DUSP5: variants seen among roughly 807,000 people sequenced by gnomAD.
DUSP5 encodes the protein dual specificity protein phosphatase 5.
Under a neutral mutation model 33.6 loss-of-function variants are expected in DUSP5, and 22 were observed. The observed-to-expected ratio is 0.66, with a 90% CI of 0.47 to 0.94. The LOEUF (loss-of-function observed/expected upper bound fraction) is 0.94, where lower values mean the gene tolerates loss of function less well. Ranked by LOEUF, DUSP5 falls within the 40% of genes least tolerant of loss-of-function variation. The pLI, the probability that DUSP5 is intolerant of heterozygous loss-of-function variation, is 0.00. For synonymous variants in DUSP5, 270 were observed against 231.1 expected (o/e 1.17, Z -1.53); for missense variants, 551 against 522.1 (o/e 1.06, Z -0.54).
At chr10:110,508,646 C>G (rs1860149242) in intron 3 of DUSP5, among the ~76,000 whole-genome samples, 1 of 152,198 alleles carries the variant, frequency 6.6e-6, no homozygotes, top group Non-Finnish European at 1.5e-5. Context: ...ACTCTGGACC[C>G]TTTGCATTCT....
intron 1 of DUSP5, among the ~76,000 whole-genome samples, chr10:110,502,488 G>A (rs1364085039): frequency 1.3e-5 from 2 of 152,218 alleles, no homozygotes; most frequent in East Asian, 3.8e-4. Context: ...GACACAAAAA[G>A]TTAATCATTG....
In DUSP5 at chr10:110,510,276, C is replaced by T. The variant is rs1860172350; in HGVS notation, c.1005C>T (p.Gly335=). 6.2e-7 allele frequency: 1 copy of T among 1,614,168 alleles called. No individual in the cohort carries two copies. The highest frequency in any genetic ancestry group is 1.1e-5 in the South Asian group (1 of 91,088). Residue 335 remains glycine, a synonymous_variant, in exon 4 of 4, where the codon GGC becomes GGT. Coordinates refer to ENST00000369583, the MANE Select transcript of DUSP5 (RefSeq NM_004419.4). ...QPPSCQGEAA[G]SSLIGHLQTL... ...CCTCCTGCCAAGGGGAGGCAGCAGG[C>T]TCTTCACTGATAGGCCATTTGCAGA...
rs1859991183 is a variant in DUSP5, at chr10:110,498,440, G to A, written c.319G>A (p.Val107Ile). 1.3e-6 allele frequency: 2 copies of A among 1,540,292 alleles called. No individual in the cohort carries two copies. Among genetic ancestry groups the A allele is most frequent in the African/African-American group, 1.4e-5 (1 of 70,762 alleles). The part of the protein sequence containing the change: ...QKLREESAAR[V>I]VLTSLLACLP... ...GCTGCGAGAGGAGAGCGCCGCGCGTGTCGTCCTCACCTCGCTACTCGCTTG... is the reference window on the plus strand; with the variant it reads ...GCTGCGAGAGGAGAGCGCCGCGCGTATCGTCCTCACCTCGCTACTCGCTTG... Residue 107 changes from valine to isoleucine, a missense_variant, in exon 1 of 4, where the codon GTC becomes ATC. Transcript: ENST00000369583.
chr10:110,498,641 G>C, intron 1 of DUSP5, 141 bp downstream of exon 1: 1 of 1,249,724 alleles, frequency 8.0e-7, no homozygotes. Flanking sequence ...TTGTGCGCTT[G>C]GGAGGGCACT....
At chr10:110,501,141 T>G (rs1228653110) in intron 1 of DUSP5, among the ~76,000 whole-genome samples, 2 of 152,192 alleles carry the variant, frequency 1.3e-5, no homozygotes, top group African/African-American at 4.8e-5. Flanking sequence ...ATCAGGTGGT[T>G]TACTGACTAG....
In DUSP5 at chr10:110,510,190, A is replaced by G. The variant is rs781015299; in HGVS notation, c.919A>G (p.Met307Val). The change falls in exon 4 of 4, where the codon ATG (methionine) becomes GTG (valine). Residue 307 changes from methionine (M) to valine (V), a missense_variant. Transcript: ENST00000369583. Reference protein sequence around the residue: ...RSMVSPNFGFMGQLLQYESEI... With the variant: ...RSMVSPNFGFVGQLLQYESEI... ...CATGGTCTCGCCCAACTTTGGCTTCATGGGCCAGCTCCTGCAGTACGAATC... is the reference window on the plus strand; with the variant it reads ...CATGGTCTCGCCCAACTTTGGCTTCGTGGGCCAGCTCCTGCAGTACGAATC... 1.2e-6 allele frequency: 2 copies of G among 1,614,206 alleles called. No individual in the cohort carries two copies. Among genetic ancestry groups the G allele is most frequent in the Non-Finnish European group, 1.7e-6 (2 of 1,180,026 alleles).
intron 1 of DUSP5, among the ~76,000 whole-genome samples, chr10:110,499,546 G>A (rs888863002): frequency 2.6e-5 from 4 of 152,188 alleles, no homozygotes; most frequent in Non-Finnish European, 5.9e-5. Flanking sequence ...CAGAGAGCCG[G>A]CGCCGAGTTA....
intron 1 of DUSP5, among the ~76,000 whole-genome samples, chr10:110,500,999 T>G (rs1004296039): frequency 6.6e-6 from 1 of 152,220 alleles, no homozygotes; most frequent in Admixed American, 6.5e-5. Context: ...TGGGGTAGCC[T>G]GAAGATTCCT....
At chr10:110,501,602 A>T (rs1860049732) in intron 1 of DUSP5, among the ~76,000 whole-genome samples, 1 of 152,188 alleles carries the variant, frequency 6.6e-6, no homozygotes, top group South Asian at 2.1e-4. Flanking sequence ...TGGAAAATTC[A>T]TGGTCTCAGA....
chr10:110,505,751 ATCACTAGCT>A (rs1313281077), intron 2 of DUSP5, among the ~76,000 whole-genome samples: 1 of 152,092 alleles, frequency 6.6e-6, no homozygotes, highest in Non-Finnish European at 1.5e-5. Context: ...TTTTCCAACC[ATCACTAGCT>A]TTTCTGCCAC....
At chr10:110,498,730 G>A (rs1859997469) in intron 1 of DUSP5, among the ~76,000 whole-genome samples, 1 of 152,220 alleles carries the variant, frequency 6.6e-6, no homozygotes, top group Admixed American at 6.5e-5. Context: ...CTGCCCGGTG[G>A]TCTGGGTGGA....
intron 1 of DUSP5, among the ~76,000 whole-genome samples, chr10:110,499,874 C>T (rs922258765): frequency 1.3e-5 from 2 of 152,150 alleles, no homozygotes; most frequent in Non-Finnish European, 2.9e-5. Context: ...GGAGACCCTC[C>T]CTGGTCCCAC....
At position 110,498,391 on chromosome 10, in the gene DUSP5, C is replaced by T; in HGVS notation, c.270C>T (p.Asp90=). 1.3e-6 allele frequency: 2 copies of T among 1,491,800 alleles called. No homozygotes were observed. Among genetic ancestry groups the T allele is most frequent in the Non-Finnish European group, 1.8e-6 (2 of 1,126,396 alleles). 92.4% of individuals were successfully genotyped at this position (1,491,800 alleles called of 1,614,324 possible). ...GCGTCGCGGCCGTGGTGGTGCTGGACCAGGGCAGCCGCCACTGGCAGAAGC... is the reference window on the plus strand; with the variant it reads ...GCGTCGCGGCCGTGGTGGTGCTGGATCAGGGCAGCCGCCACTGGCAGAAGC... The part of the protein sequence containing the change: ...GGGVAAVVVL[D]QGSRHWQKLR... The change falls in exon 1 of 4, where the codon GAC becomes GAT. Residue 90 remains aspartate, a synonymous_variant. Transcript: ENST00000369583.
intron 1 of DUSP5, 32 bp from the exon 2 acceptor site, chr10:110,502,689 C>T (rs757863073): frequency 7.5e-6 from 12 of 1,605,556 alleles, no homozygotes; most frequent in Middle Eastern, 3.3e-4. Flanking sequence ...TGATGCTTAC[C>T]ATCTGTCTCA....
chr10:110,507,952 A>G (rs1467005685), intron 3 of DUSP5, among the ~76,000 whole-genome samples: 2 of 152,186 alleles, frequency 1.3e-5, no homozygotes, highest in Non-Finnish European at 2.9e-5. Context: ...CCTTGTGATC[A>G]TGCCCCGTTT....
chr10:110,501,422 TG>T (rs1860046753), intron 1 of DUSP5, among the ~76,000 whole-genome samples: 1 of 151,944 alleles, frequency 6.6e-6, no homozygotes. Context: ...GCAGTTCCAG[TG>T]AGCTGAGAGG....
In DUSP5 at chr10:110,502,870, GT is replaced by G. The variant is rs1564773168; in HGVS notation, c.528+2del. On this transcript the variant is annotated splice_donor_variant, in intron 2 of 3. Coordinates refer to ENST00000369583, the MANE Select transcript of DUSP5 (RefSeq NM_004419.4). LOFTEE classifies it high-confidence loss of function. The stretch of plus-strand genomic sequence containing the variant: ...CAGCTACAGGCCAGCTTATGACCAG[GT>G]ACGTGATGTGATGGGGAAGAGGTAT... 3.7e-6 allele frequency: 6 copies of G among 1,614,140 alleles called. No homozygotes were observed. The highest frequency in any genetic ancestry group is 5.1e-6 in the Non-Finnish European group (6 of 1,180,012).
rs758736756 is a variant in DUSP5, at chr10:110,502,132, AC to A, written c.380-588del. On this transcript the variant is annotated intron_variant, in intron 1 of 3. Coordinates refer to ENST00000369583, the MANE Select transcript of DUSP5 (RefSeq NM_004419.4). ...TAGAAGGTAATTAACTGGATTGATG[AC>A]TCCAAATTGGACCTAGAAAGGATTG... is the stretch of plus-strand genomic sequence containing the variant. Among the ~76,000 whole-genome samples the A allele has an allele frequency of 1.3e-4, 20 of 149,064 alleles. No individual in the cohort carries two copies. The Middle Eastern group carries it at 0.014, about 103-fold the overall frequency.
At position 110,510,757 on chromosome 10, in the gene DUSP5, G is replaced by A. The variant is rs1860182271; in HGVS notation, c.*331G>A. 3 of 239,394 alleles carry A rather than the reference G, an allele frequency of 1.3e-5. No homozygotes were observed. Among genetic ancestry groups the A allele is most frequent in the Non-Finnish European group, 2.4e-5 (3 of 124,588 alleles). 14.8% of individuals were successfully genotyped at this position (239,394 alleles called of 1,614,324 possible). ...TAAGGCAATAAATACCTGCAGCAAC[G>A]TGGGAGAAAGAAGTTGCTGGACCAG... is the stretch of plus-strand genomic sequence containing the variant. On this transcript the variant is annotated 3_prime_UTR_variant, in exon 4 of 4. Transcript: ENST00000369583.
Sources: allele counts gnomAD v4.1 joint callset (sites outside exome capture counted in the v4.1 genomes callset), GRCh38; gene constraint gnomAD v4.1.1; transcripts MANE v1.5; gene names NCBI Gene and HGNC (gene_info 2026-07-23, HGNC 2026-07-21).